The following AK9 variants were observed in gnomAD, a reference collection of about 807,000 sequenced individuals.
The protein encoded by AK9 is adenylate kinase domain containing 1.
Under a neutral mutation model 239.6 loss-of-function variants are expected in AK9, and 191 were observed. The observed-to-expected ratio is 0.80, with a 90% CI of 0.71 to 0.90. The LOEUF (loss-of-function observed/expected upper bound fraction) is 0.90, where lower values mean the gene tolerates loss of function less well. Among genes scored for constraint, AK9 ranks in the 40% least tolerant of loss-of-function variants. AK9 has a pLI of 0.00. For missense variants in AK9, 1,995 were observed against 2,214.7 expected, an observed-to-expected ratio of 0.90 and a Z score of 1.99; for synonymous variants, 689 against 721.0, an observed-to-expected ratio of 0.96 and a Z score of 0.71.
At chr6:109,519,033 G>T (rs191783460) in intron 29 of AK9, among the ~76,000 whole-genome samples, 2 of 152,194 alleles carry the variant, frequency 1.3e-5, no homozygotes, top group Admixed American at 1.3e-4. Flanking sequence ...CCAGTGTTTA[G>T]CTCCTACTTA....
intron 10 of AK9, among the ~76,000 whole-genome samples, 169 bp downstream of exon 10, chr6:109,641,349 C>CTTTTT (rs913203723): frequency 1.4e-3 from 178 of 124,366 alleles, no homozygotes; most frequent in African/African-American, 2.8e-3. Context: ...TTCTTTCTTT[C>CTTTTT]TTTTTTTTTT....
intron 19 of AK9, among the ~76,000 whole-genome samples, chr6:109,581,239 A>C (rs1788822372): frequency 1.3e-5 from 2 of 152,128 alleles, no homozygotes. Context: ...CCAGCTTTTT[A>C]AGTGAAAAAA....
chr6:109,594,546 T>C (rs1383895842), intron 17 of AK9, among the ~76,000 whole-genome samples: 1 of 152,218 alleles, frequency 6.6e-6, no homozygotes, highest in Non-Finnish European at 1.5e-5. Flanking sequence ...AGAGCTCATA[T>C]AGCCAAGACA....
intron 24 of AK9, among the ~76,000 whole-genome samples, chr6:109,560,100 T>A (rs974970307): frequency 6.6e-6 from 1 of 152,242 alleles, no homozygotes; most frequent in Non-Finnish European, 1.5e-5. Context: ...TTTAGTCATA[T>A]CTGCAAAATC....
At chr6:109,541,765 G>GT (rs1210906823) in intron 27 of AK9, among the ~76,000 whole-genome samples, 1 of 152,186 alleles carries the variant, frequency 6.6e-6, no homozygotes, top group Non-Finnish European at 1.5e-5. Context: ...GGTTTTTACA[G>GT]TTTTACCACA....
chr6:109,603,259 G>A (rs1450105345), intron 17 of AK9, among the ~76,000 whole-genome samples: 1 of 152,078 alleles, frequency 6.6e-6, no homozygotes, highest in African/African-American at 2.4e-5. Context: ...TGGTGTGGGT[G>A]TCCTTTCTGT....
chr6:109,591,453 A>G (rs757121553), intron 17 of AK9, among the ~76,000 whole-genome samples: 7 of 151,948 alleles, frequency 4.6e-5, no homozygotes, highest in Non-Finnish European at 8.8e-5. Context: ...ACATGGTTGG[A>G]TTTTTTAAAA....
intron 8 of AK9, among the ~76,000 whole-genome samples, chr6:109,647,859 T>C (rs919026065): frequency 6.6e-6 from 1 of 151,932 alleles, no homozygotes; most frequent in African/African-American, 2.4e-5. Context: ...CCTCAGCAAA[T>C]GTAAAAGAAC....
chr6:109,601,027 G>T (rs1371890567), intron 17 of AK9, among the ~76,000 whole-genome samples: 1 of 152,066 alleles, frequency 6.6e-6, no homozygotes, highest in Non-Finnish European at 1.5e-5. Context: ...CAAAAAACCA[G>T]CTCCTGGATT....
At chr6:109,644,736 A>C (rs1049959067) in intron 8 of AK9, 48 bp from the exon 9 acceptor site, 15 of 1,482,430 alleles carry the variant, frequency 1.0e-5, no homozygotes, top group Non-Finnish European at 1.4e-5. Flanking sequence ...CACTAGAAAA[A>C]CTGAATACAA....
intron 7 of AK9, among the ~76,000 whole-genome samples, chr6:109,657,717 A>G (rs1799898308): frequency 6.6e-6 from 1 of 152,018 alleles, no homozygotes; most frequent in Non-Finnish European, 1.5e-5. Flanking sequence ...ACCCCCTGAC[A>G]GGCTCTGGTG....
chr6:109,604,137 C>T (rs544436606), intron 17 of AK9, among the ~76,000 whole-genome samples: 11 of 152,240 alleles, frequency 7.2e-5, no homozygotes, highest in African/African-American at 1.9e-4. Context: ...GTTGGAAATG[C>T]GGAAATCACC....
At chr6:109,609,208 C>T (rs1036068426) in intron 17 of AK9, among the ~76,000 whole-genome samples, 1 of 152,192 alleles carries the variant, frequency 6.6e-6, no homozygotes. Context: ...AAAAATTTCA[C>T]TCAAGGGCAA....
chr6:109,548,138 G>A (rs1225353819), intron 25 of AK9, among the ~76,000 whole-genome samples: 2 of 152,132 alleles, frequency 1.3e-5, no homozygotes, highest in Non-Finnish European at 2.9e-5. Flanking sequence ...AAGCCATTAT[G>A]GAAAACAGTA....
chr6:109,679,407 T>G, intron 1 of AK9, among the ~76,000 whole-genome samples: 1 of 151,742 alleles, frequency 6.6e-6, no homozygotes, highest in African/African-American at 2.4e-5. Context: ...TCTAGATTCC[T>G]CCTCTCTAGG....
At chr6:109,612,391 T>C (rs1297164650) in intron 15 of AK9, among the ~76,000 whole-genome samples, 2 of 152,194 alleles carry the variant, frequency 1.3e-5, no homozygotes. Context: ...AGGTCAATGA[T>C]GTGCTTACCT....
intron 21 of AK9, 123 bp from the exon 22 acceptor site, chr6:109,564,968 C>A: frequency 1.6e-6 from 1 of 628,294 alleles, no homozygotes; most frequent in Non-Finnish European, 2.5e-6. Context: ...TAATAGAAAG[C>A]AAAGTTCTTG....
chr6:109,574,991 G>GAAT (rs1787877480), intron 20 of AK9, among the ~76,000 whole-genome samples: 1 of 152,118 alleles, frequency 6.6e-6, no homozygotes, highest in Non-Finnish European at 1.5e-5. Flanking sequence ...ACCTCACTTA[G>GAAT]AATAATGGTC....
At chr6:109,507,069 G>T (rs1778189382) in intron 33 of AK9, among the ~76,000 whole-genome samples, 1 of 152,180 alleles carries the variant, frequency 6.6e-6, no homozygotes, top group African/African-American at 2.4e-5. Context: ...CAGCATGCTG[G>T]AGATAGATTT....
Sources: allele counts gnomAD v4.1 joint callset (sites outside exome capture counted in the v4.1 genomes callset), GRCh38; gene constraint gnomAD v4.1.1; transcripts MANE v1.5; gene names NCBI Gene and HGNC (gene_info 2026-07-23, HGNC 2026-07-21).